The following KCNK13 variants were observed in gnomAD, a reference collection of about 807,000 sequenced individuals.
KCNK13 encodes potassium channel subfamily K member 13.
Under a neutral mutation model 23.4 loss-of-function variants are expected in KCNK13, and 12 were observed. That is an observed-to-expected ratio of 0.51 (90% confidence interval 0.33 to 0.83). The LOEUF is 0.83. Among genes scored for constraint, KCNK13 ranks in the 40% least tolerant of loss-of-function variants. The pLI is 0.02. For synonymous variants in KCNK13, 231 were observed against 229.5 expected (o/e 1.01, Z -0.06); for missense variants, 463 against 556.3 (o/e 0.83, Z 1.69).
At position 90,184,981 on chromosome 14, in the gene KCNK13, C is replaced by G; in HGVS notation, c.1205C>G (p.Ala402Gly). 1.3e-6 allele frequency: 2 copies of G among 1,598,824 alleles called. No individual in the cohort carries two copies. The highest frequency in any genetic ancestry group is 8.5e-7 in the Non-Finnish European group (1 of 1,171,718). Residue 402 changes from alanine to glycine, a missense_variant, in exon 2 of 2, where the codon GCA becomes GGA. By Grantham distance (60) the Ala-to-Gly change is moderately conservative (BLOSUM62 0). This residue lies in a region of KCNK13 where 166 missense variants were observed against 178.8 expected (regional missense o/e 0.93). Transcript: ENST00000282146. The surrounding 1 kb of genome is among the most constrained non-coding windows in gnomAD (Gnocchi z 5.6). ...TTTGCAATCATGAACAACAGGTTGG[C>G]AGAGACCAGTGGGGACAGGTAGAAG... is the stretch of plus-strand genomic sequence containing the variant. Reference protein sequence around the residue: ...GAFAIMNNRLAETSGDR With the variant: ...GAFAIMNNRLGETSGDR
chr14:90,164,164 A>G (rs967376724), intron 1 of KCNK13, among the ~76,000 whole-genome samples: 2 of 152,204 alleles, frequency 1.3e-5, no homozygotes, highest in Non-Finnish European at 2.9e-5. Flanking sequence ...GCGTTACAAT[A>G]TTTTTGAACT....
chr14:90,167,887 C>T (rs1890322131), intron 1 of KCNK13, among the ~76,000 whole-genome samples: 1 of 152,188 alleles, frequency 6.6e-6, no homozygotes, highest in East Asian at 1.9e-4. Context: ...CCTCTCTTCA[C>T]TTCCTTTATC....
At chr14:90,137,288 A>ATTTAT (rs1196918576) in intron 1 of KCNK13, among the ~76,000 whole-genome samples, 1 of 150,698 alleles carries the variant, frequency 6.6e-6, no homozygotes, top group Non-Finnish European at 1.5e-5. Context: ...TCTACTCTTG[A>ATTTAT]TTTATTTTAT....
chr14:90,175,021 T>C (rs987195346), intron 1 of KCNK13, among the ~76,000 whole-genome samples: 4 of 152,180 alleles, frequency 2.6e-5, no homozygotes, highest in African/African-American at 4.8e-5. Flanking sequence ...CTCCCCCTTA[T>C]CTGAGATGTA....
chr14:90,062,231 G>T lies in KCNK13; in HGVS notation c.26G>T (p.Gly9Val), dbSNP rs778403843. Residue 9 changes from glycine to valine, a missense_variant, in exon 1 of 2, where the codon GGC becomes GTC. By Grantham distance (109) the Gly-to-Val change is moderately radical. Around this residue, in one of 3 missense-constraint regions of KCNK13, gnomAD observed 153 missense variants for 153.6 expected, o/e 1.00. Coordinates refer to ENST00000282146, the MANE Select transcript of KCNK13 (RefSeq NM_022054.4). This position sits in a 1 kb window ranked among gnomAD's most constrained non-coding sequence, Gnocchi z 4.5. The part of the protein sequence containing the change: MAGRGFSW[G>V]PGHLNEDNAR... ...ATGGCTGGCCGGGGTTTCAGCTGGG[G>T]CCCGGGCCACCTGAACGAGGACAAC... The T allele has an allele frequency of 1.3e-6, 2 of 1,508,974 alleles. No homozygotes were observed. The highest frequency in any genetic ancestry group is 2.5e-5 in the East Asian group (1 of 39,236). The allele number at this position is 1,508,974 out of a possible 1,614,324, so 93.5% of individuals were successfully genotyped here. A position where few individuals can be genotyped will look rare whatever the true frequency, so the allele number is the denominator to read the frequency against.
intron 1 of KCNK13, among the ~76,000 whole-genome samples, chr14:90,136,664 G>C (rs1241279147): frequency 6.6e-6 from 1 of 152,044 alleles, no homozygotes; most frequent in Admixed American, 6.5e-5. Context: ...ACTGAGTTTT[G>C]AGCTATTTGA....
intron 1 of KCNK13, among the ~76,000 whole-genome samples, chr14:90,097,154 C>T (rs1889421322): frequency 6.6e-6 from 1 of 152,138 alleles, no homozygotes; most frequent in South Asian, 2.1e-4. Context: ...CCAATAGAAC[C>T]AGCTATCTTA....
At chr14:90,112,913 A>AT (rs200299000) in intron 1 of KCNK13, among the ~76,000 whole-genome samples, 4,903 of 139,174 alleles carry the variant, frequency 0.035, 156 homozygotes, top group African/African-American at 0.087. Flanking sequence ...TGTTGAAAAG[A>AT]TTTTTTTTTT....
chr14:90,174,508 C>T (rs2140445531), intron 1 of KCNK13, among the ~76,000 whole-genome samples: 1 of 152,058 alleles, frequency 6.6e-6, no homozygotes, highest in African/African-American at 2.4e-5. Context: ...CACGTAGATT[C>T]AAAGATTTTC....
At chr14:90,111,311 G>C (rs897979499) in intron 1 of KCNK13, among the ~76,000 whole-genome samples, 1 of 152,140 alleles carries the variant, frequency 6.6e-6, no homozygotes, top group Non-Finnish European at 1.5e-5. Flanking sequence ...TCTTGACTGG[G>C]TATTAGTTAC....
At chr14:90,123,149 C>T (rs1889758394) in intron 1 of KCNK13, among the ~76,000 whole-genome samples, 1 of 152,214 alleles carries the variant, frequency 6.6e-6, no homozygotes, top group African/African-American at 2.4e-5. Flanking sequence ...AACTTGCACT[C>T]ACTGAGGAAG....
At chr14:90,066,771 A>G (rs1027484747) in intron 1 of KCNK13, among the ~76,000 whole-genome samples, 2 of 152,208 alleles carry the variant, frequency 1.3e-5, no homozygotes, top group South Asian at 2.1e-4. Flanking sequence ...CAGGTTAAAC[A>G]TAGAACTACT....
At chr14:90,087,172 G>A (rs1293488646) in intron 1 of KCNK13, among the ~76,000 whole-genome samples, 1 of 119,680 alleles carries the variant, frequency 8.4e-6, no homozygotes, top group African/African-American at 3.3e-5. Flanking sequence ...TTTTTATTGA[G>A]ATGGGGCCTC....
At chr14:90,131,947 G>C (rs764003621) in intron 1 of KCNK13, among the ~76,000 whole-genome samples, 2 of 152,194 alleles carry the variant, frequency 1.3e-5, no homozygotes, top group Non-Finnish European at 2.9e-5. Context: ...CCAAAGAATC[G>C]AAAGTAGGAT....
chr14:90,110,880 G>A (rs888013035), intron 1 of KCNK13, among the ~76,000 whole-genome samples: 3 of 151,894 alleles, frequency 2.0e-5, no homozygotes, highest in African/African-American at 7.3e-5. Flanking sequence ...ATGGTGGCAG[G>A]TGCCTGTAAT....
chr14:90,085,745 A>AATTATATATTATAT lies in KCNK13; in HGVS notation c.334+23215_334+23228dup, dbSNP rs201224453. 2.9e-5 allele frequency among the ~76,000 whole-genome samples: 4 copies of AATTATATATTATAT among 136,084 alleles called. No individual in the cohort carries two copies. The East Asian group carries it at 6.0e-4, about 20-fold the overall frequency. The allele number at this position is 136,084 out of a possible 152,430, so 89.3% of individuals were successfully genotyped here. A position where few individuals can be genotyped will look rare whatever the true frequency, so the allele number is the denominator to read the frequency against. ...ATATATAATATATATATACTTATAT[A>AATTATATATTATAT]ATTATATATTATATATTATATAAAT... On this transcript the variant is annotated intron_variant, in intron 1 of 1. Coordinates refer to ENST00000282146, the MANE Select transcript of KCNK13 (RefSeq NM_022054.4).
At chr14:90,143,510 C>T (rs1047889039) in intron 1 of KCNK13, among the ~76,000 whole-genome samples, 1 of 152,080 alleles carries the variant, frequency 6.6e-6, no homozygotes, top group Non-Finnish European at 1.5e-5. Flanking sequence ...CTCTCTATTG[C>T]GTTCCACTGA....
At chr14:90,139,273 G>A (rs1236611345) in intron 1 of KCNK13, among the ~76,000 whole-genome samples, 1 of 152,206 alleles carries the variant, frequency 6.6e-6, no homozygotes, top group East Asian at 1.9e-4. Context: ...TACTCTTCAG[G>A]TGGCCAAGGG....
chr14:90,137,376 A>G (rs908132680), intron 1 of KCNK13, among the ~76,000 whole-genome samples: 1 of 152,006 alleles, frequency 6.6e-6, no homozygotes, highest in Non-Finnish European at 1.5e-5. Flanking sequence ...GCTGGAGAGC[A>G]GTGGCATGAT....
Sources: allele counts gnomAD v4.1 joint callset (sites outside exome capture counted in the v4.1 genomes callset), GRCh38; gene constraint gnomAD v4.1.1; regional missense constraint gnomAD v4.1.1; non-coding constraint Gnocchi (gnomAD v3.1); transcripts MANE v1.5; gene names NCBI Gene and HGNC (gene_info 2026-07-23, HGNC 2026-07-21).